Variants in CACNA1A observed in about 807,000 individuals in gnomAD.
CACNA1A encodes the protein voltage-dependent P/Q-type calcium channel subunit alpha-1A.
In CACNA1A, 57 loss-of-function variants were observed where a neutral mutation model predicts 262.4. That is an observed-to-expected ratio of 0.22 (90% confidence interval 0.18 to 0.27). CACNA1A has a LOEUF of 0.27. Ranked by LOEUF, CACNA1A falls within the 10% of genes least tolerant of loss-of-function variation. CACNA1A has a pLI of 1.00. For synonymous variants in CACNA1A, 1,431 were observed against 1,419.3 expected, an observed-to-expected ratio of 1.01 and a Z score of -0.18; for missense variants, 2,526 against 3,562.8, an observed-to-expected ratio of 0.71 and a Z score of 7.41.
At chr19:13,370,476 T>C (rs533789414) in intron 4 of CACNA1A, among the ~76,000 whole-genome samples, 1 of 152,196 alleles carries the variant, frequency 6.6e-6, no homozygotes, top group South Asian at 2.1e-4. Context: ...TTGTCCAGGC[T>C]GGAGTGCAGT....
chr19:13,276,103 C>T (rs2057141402), intron 23 of CACNA1A, 147 bp from the exon 24 acceptor site: 1 of 601,434 alleles, frequency 1.7e-6, no homozygotes, highest in Admixed American at 2.9e-5. Flanking sequence ...CAGAGGACTC[C>T]AGGGAGGAGT....
In CACNA1A at chr19:13,298,715, G is replaced by A. The variant is rs2144953480; in HGVS notation, c.2918C>T (p.Ala973Val). Residue 973 changes from alanine (A) to valine (V), a missense_variant, in exon 19 of 47, where the codon GCG becomes GTG. Transcript: ENST00000360228. The stretch of plus-strand genomic sequence containing the variant: ...CTCGCGGTGCCGCGCCCTCCGCTCC[G>A]CCTTGTCCTCCGGACCCTCCTCCCC... ...RPGEEGPEDK[A>V]ERRARHREGS... 6.7e-7 allele frequency: 1 copy of A among 1,488,182 alleles called. No homozygotes were observed. The allele number at this position is 1,488,182 out of a possible 1,614,324, so 92.2% of individuals were successfully genotyped here.
At chr19:13,215,621 G>GTTT (rs34070721) in intron 38 of CACNA1A, among the ~76,000 whole-genome samples, 1 of 135,046 alleles carries the variant, frequency 7.4e-6, no homozygotes, top group Non-Finnish European at 1.6e-5. Context: ...CGTCTGGCCT[G>GTTT]TTTTTTTTTT....
At chr19:13,423,515 C>CT (rs1295113304) in intron 3 of CACNA1A, among the ~76,000 whole-genome samples, 1 of 151,752 alleles carries the variant, frequency 6.6e-6, no homozygotes, top group Non-Finnish European at 1.5e-5. Flanking sequence ...CTTTTCTTTT[C>CT]TTTTTTTCTT....
intron 35 of CACNA1A, 102 bp from the exon 36 acceptor site, chr19:13,230,311 A>C: frequency 1.5e-6 from 2 of 1,303,716 alleles, no homozygotes; most frequent in Non-Finnish European, 2.2e-6. Context: ...GACAGACCCA[A>C]AGACATGTAC....
At chr19:13,288,463 C>T (rs371581396) in intron 19 of CACNA1A, among the ~76,000 whole-genome samples, 12 of 152,256 alleles carry the variant, frequency 7.9e-5, no homozygotes, top group South Asian at 2.1e-4. Context: ...TGCTTGAACT[C>T]GTGGCCTACA....
chr19:13,295,134 T>C (rs1175238762), intron 19 of CACNA1A, among the ~76,000 whole-genome samples: 2 of 152,252 alleles, frequency 1.3e-5, no homozygotes, highest in African/African-American at 4.8e-5. Context: ...GTTGTGTGAC[T>C]GAACTCACAG....
At chr19:13,467,801 C>T (rs1599322988) in intron 1 of CACNA1A, among the ~76,000 whole-genome samples, 1 of 151,982 alleles carries the variant, frequency 6.6e-6, no homozygotes, top group East Asian at 1.9e-4. Context: ...GATAGGGTTT[C>T]ACCACGTTGG....
At chr19:13,208,430 G>A (rs1294970174) in intron 46 of CACNA1A, among the ~76,000 whole-genome samples, 1 of 151,938 alleles carries the variant, frequency 6.6e-6, no homozygotes, top group African/African-American at 2.4e-5. Flanking sequence ...AAAAACAGAA[G>A]CCGGGTTAAA....
rs377011125 is a variant in CACNA1A at position 13,317,226 on chromosome 19, G to A, written c.1441C>T (p.Arg481Cys). The A allele has an allele frequency of 1.2e-5, 19 of 1,613,536 alleles. No homozygotes were observed. Among genetic ancestry groups the A allele is most frequent in the African/African-American group, 5.3e-5 (4 of 74,896 alleles). ...KERRMRFYIRRMVKTQAFYWT... is the reference protein window; with the variant it reads ...KERRMRFYIRCMVKTQAFYWT... ...TAGAAGGCCTGAGTTTTGACCATGC[G>A]GCGGATGTAGAAACGCATCCTCCTC... Residue 481 changes from arginine (R) to cysteine (C), a missense_variant, in exon 11 of 47, where the codon CGC becomes TGC. By Grantham distance (180) the Arg-to-Cys change is radical. Transcript: ENST00000360228.
At chr19:13,460,767 T>C (rs968445830) in intron 1 of CACNA1A, among the ~76,000 whole-genome samples, 15 of 152,124 alleles carry the variant, frequency 9.9e-5, no homozygotes, top group African/African-American at 3.4e-4. Context: ...TCTCCTGGAA[T>C]AGTCTTTCCC....
intron 11 of CACNA1A, chr19:13,315,989 T>C (rs976891038): frequency 1.3e-5 from 2 of 152,052 alleles, no homozygotes; most frequent in African/African-American, 2.4e-5. Flanking sequence ...ACAGACACTC[T>C]CTCTGTTGCT....
chr19:13,438,899 C>T (rs374231445), intron 3 of CACNA1A, among the ~76,000 whole-genome samples: 4 of 152,068 alleles, frequency 2.6e-5, no homozygotes, highest in South Asian at 2.1e-4. Context: ...CCACCACACC[C>T]GACTAATTTT....
intron 11 of CACNA1A, among the ~76,000 whole-genome samples, chr19:13,314,831 C>T (rs75673031): frequency 0.045 from 6,831 of 152,138 alleles, 240 homozygotes; most frequent in East Asian, 0.13. Context: ...ATTTATAGGA[C>T]GCTAAGGAGA....
chr19:13,208,364 C>A (rs1662959540), intron 46 of CACNA1A, among the ~76,000 whole-genome samples: 1 of 151,964 alleles, frequency 6.6e-6, no homozygotes, highest in Non-Finnish European at 1.5e-5. Context: ...TTAAAAATAG[C>A]AGAAGTTTCA....
At chr19:13,398,319 T>C (rs888880397) in intron 3 of CACNA1A, among the ~76,000 whole-genome samples, 1 of 151,782 alleles carries the variant, frequency 6.6e-6, no homozygotes, top group South Asian at 2.1e-4. Context: ...AAGAACGAAA[T>C]TTTTATTGTT....
chr19:13,211,823 C>T, intron 43 of CACNA1A: 1 of 403,578 alleles, frequency 2.5e-6, no homozygotes, highest in Non-Finnish European at 4.6e-6. Flanking sequence ...TCTGCAGCCT[C>T]CAACCAGGGC....
chr19:13,464,291 C>G (rs752370022), intron 1 of CACNA1A, among the ~76,000 whole-genome samples: 1 of 152,020 alleles, frequency 6.6e-6, no homozygotes, highest in Admixed American at 6.6e-5. Flanking sequence ...CCTAGCTACT[C>G]GAGAGACTGA....
At chr19:13,356,780 C>G (rs186804596) in intron 6 of CACNA1A, among the ~76,000 whole-genome samples, 1 of 152,296 alleles carries the variant, frequency 6.6e-6, no homozygotes, top group Non-Finnish European at 1.5e-5. Flanking sequence ...GGAACCTCCT[C>G]TCACACCAGC....
Sources: gnomAD v4.1 joint callset for allele counts (sites outside exome capture counted in the v4.1 genomes callset) on GRCh38, gnomAD v4.1.1 for gene constraint, MANE v1.5 for transcripts, NCBI Gene and HGNC (gene_info 2026-07-23, HGNC 2026-07-21) for gene names.